Variants in SAE1 observed in about 807,000 individuals in gnomAD.
SAE1 encodes SUMO1 activating enzyme subunit 1.
SAE1 carries 11 observed loss-of-function variants against 40.6 expected under a neutral mutation model. The observed-to-expected ratio is 0.27, with a 90% CI of 0.17 to 0.45. SAE1 has a LOEUF of 0.45. Ranked by LOEUF, SAE1 falls within the 20% of genes least tolerant of loss-of-function variation. The pLI, the probability that SAE1 is intolerant of heterozygous loss-of-function variation, is 1.00. For synonymous variants in SAE1, 155 were observed against 154.3 expected (o/e 1.00, Z -0.03); for missense variants, 373 against 427.3 (o/e 0.87, Z 1.12).
chr19:47,180,255 G>T, intron 6 of SAE1: 1 of 456,264 alleles, frequency 2.2e-6, no homozygotes. Context: ...AGAAACCAGG[G>T]TTCCTTGGAG....
At chr19:47,180,571 A>G (rs531852729) in intron 6 of SAE1, among the ~76,000 whole-genome samples, 11 of 152,140 alleles carry the variant, frequency 7.2e-5, no homozygotes, top group Non-Finnish European at 1.5e-4. Flanking sequence ...GCTCACCCCT[A>G]TAAATCCCAA....
At chr19:47,144,199 T>C (rs1489862624) in intron 2 of SAE1, among the ~76,000 whole-genome samples, 2 of 152,168 alleles carry the variant, frequency 1.3e-5, no homozygotes, top group Non-Finnish European at 2.9e-5. Flanking sequence ...CCAGGCATGT[T>C]GGTGTGCACC....
At position 47,150,323 on chromosome 19, in the gene SAE1, A is replaced by G. The variant is rs1045296740; in HGVS notation, c.332A>G (p.Asp111Gly). The change falls in exon 3 of 9, where the codon GAC (aspartate) becomes GGC (glycine). Residue 111 changes from aspartate (D) to glycine (G), a missense_variant. Coordinates refer to ENST00000270225, the MANE Select transcript of SAE1 (RefSeq NM_005500.3). Reference protein sequence around the residue: ...NLNPMVDVKVDTEDIEKKPES... With the variant: ...NLNPMVDVKVGTEDIEKKPES... ...AACCCCATGGTGGATGTGAAGGTGG[A>G]CACTGAGGATATAGAGAAGAAACCA... 1.9e-6 allele frequency: 3 copies of G among 1,613,464 alleles called. No individual in the cohort carries two copies. Among genetic ancestry groups the G allele is most frequent in the Non-Finnish European group, 1.7e-6 (2 of 1,179,802 alleles).
intron 1 of SAE1, among the ~76,000 whole-genome samples, chr19:47,138,280 G>C (rs538020690): frequency 1.3e-5 from 2 of 152,088 alleles, no homozygotes; most frequent in Non-Finnish European, 2.9e-5. Flanking sequence ...CTGACCTCAG[G>C]TGATCTACCC....
intron 6 of SAE1, among the ~76,000 whole-genome samples, chr19:47,194,559 T>C (rs1396206674): frequency 6.6e-6 from 1 of 152,192 alleles, no homozygotes; most frequent in African/African-American, 2.4e-5. Context: ...TCCATGTCTC[T>C]GTGTCTGTTC....
chr19:47,209,286 C>G lies in SAE1; in HGVS notation c.*35C>G. On this transcript the variant is annotated 3_prime_UTR_variant, in exon 9 of 9. Coordinates refer to ENST00000270225, the MANE Select transcript of SAE1 (RefSeq NM_005500.3). ...TTGGCAGCCCCAGAGATGCCAACTG[C>G]AGCATGCCCACCTGTATTCCCTGTC... The G allele has an allele frequency of 6.2e-7, 1 of 1,614,138 alleles. No homozygotes were observed. Among genetic ancestry groups the G allele is most frequent in the East Asian group, 2.2e-5 (1 of 44,878 alleles).
intron 7 of SAE1, 93 bp downstream of exon 7, chr19:47,197,470 C>T: frequency 9.1e-7 from 1 of 1,093,516 alleles, no homozygotes; most frequent in South Asian, 1.6e-5. Context: ...ATTAGAAACC[C>T]TTCAGAGAGC....
chr19:47,171,159 G>C (rs958310943), intron 6 of SAE1, among the ~76,000 whole-genome samples: 2 of 151,256 alleles, frequency 1.3e-5, no homozygotes, highest in South Asian at 2.1e-4. Flanking sequence ...ATTTTTAGTA[G>C]AGACAGGGTT....
At chr19:47,185,897 A>G (rs2058541041) in intron 6 of SAE1, among the ~76,000 whole-genome samples, 1 of 149,090 alleles carries the variant, frequency 6.7e-6, no homozygotes, top group African/African-American at 2.5e-5. Context: ...CCACCGCACC[A>G]AGCCCCCAAA....
At chr19:47,180,696 G>A (rs1018658766) in intron 6 of SAE1, among the ~76,000 whole-genome samples, 1 of 152,130 alleles carries the variant, frequency 6.6e-6, no homozygotes, top group African/African-American at 2.4e-5. Flanking sequence ...AGTGGTGCAT[G>A]CATGTAGTCC....
chr19:47,170,386 T>C (rs996221028), intron 6 of SAE1, among the ~76,000 whole-genome samples: 15 of 151,858 alleles, frequency 9.9e-5, no homozygotes, highest in African/African-American at 3.6e-4. Flanking sequence ...GGCTAATTTT[T>C]GTATTTTGAG....
At chr19:47,139,755 ATTT>A (rs780524600) in intron 1 of SAE1, among the ~76,000 whole-genome samples, 1 of 125,144 alleles carries the variant, frequency 8.0e-6, no homozygotes, top group Non-Finnish European at 1.7e-5. Context: ...CTCCCGGCCA[ATTT>A]TTTTTTTTTT....
chr19:47,156,390 A>G (rs989071764), intron 5 of SAE1, among the ~76,000 whole-genome samples: 3 of 150,782 alleles, frequency 2.0e-5, no homozygotes, highest in Non-Finnish European at 4.4e-5. Flanking sequence ...GAGGCAGGAG[A>G]ATAGCTTGAA....
intron 1 of SAE1, among the ~76,000 whole-genome samples, chr19:47,143,109 ATTTT>A (rs773382952): frequency 6.9e-6 from 1 of 145,600 alleles, no homozygotes; most frequent in African/African-American, 2.5e-5. Flanking sequence ...AACCAAAATG[ATTTT>A]TTTTTTTTTG....
intron 5 of SAE1, among the ~76,000 whole-genome samples, chr19:47,160,277 A>C (rs2058351270): frequency 7.5e-6 from 1 of 133,414 alleles, no homozygotes; most frequent in African/African-American, 2.9e-5. Context: ...GCTGGAGTGC[A>C]ATGGTGCGAT....
At position 47,189,111 on chromosome 19, in the gene SAE1, C is replaced by T. The variant is rs112430089; in HGVS notation, c.734-8122C>T. Among the ~76,000 whole-genome samples, 1,074 of 152,310 alleles carry T rather than the reference C, an allele frequency of 7.1e-3. 11 individuals are homozygous for T. Among genetic ancestry groups the T allele is most frequent in the African/African-American group, 0.025 (1,039 of 41,562 alleles). ...GTATATTTATTGAATGAACAATTGA[C>T]TGAATGTCAGGCCCAGGGCTTTGCC... On this transcript the variant is annotated intron_variant, in intron 6 of 8. Coordinates refer to ENST00000270225, the MANE Select transcript of SAE1 (RefSeq NM_005500.3).
intron 1 of SAE1, among the ~76,000 whole-genome samples, chr19:47,141,751 C>T (rs1231268484): frequency 6.6e-6 from 1 of 152,104 alleles, no homozygotes; most frequent in Non-Finnish European, 1.5e-5. Context: ...ATAGCAAACT[C>T]TTACCAGCAG....
intron 5 of SAE1, among the ~76,000 whole-genome samples, chr19:47,165,076 CTTTT>C (rs769656956): frequency 5.1e-5 from 3 of 59,072 alleles, no homozygotes; most frequent in African/African-American, 1.5e-4. Flanking sequence ...TGAGCCAAGT[CTTTT>C]TTTTTTTTTT....
intron 5 of SAE1, among the ~76,000 whole-genome samples, chr19:47,164,882 G>T (rs2058382293): frequency 6.6e-6 from 1 of 151,644 alleles, no homozygotes; most frequent in Non-Finnish European, 1.5e-5. Flanking sequence ...TCGATCTCCT[G>T]ACCTCGTGAT....
Sources: gnomAD v4.1 joint callset for allele counts (sites outside exome capture counted in the v4.1 genomes callset) on GRCh38, gnomAD v4.1.1 for gene constraint, MANE v1.5 for transcripts, NCBI Gene and HGNC (gene_info 2026-07-23, HGNC 2026-07-21) for gene names.